RBFOX1: variants seen among roughly 807,000 people sequenced by gnomAD.
RBFOX1 encodes RNA binding protein fox-1 homolog 1.
A neutral mutation model predicts 57.7 loss-of-function variants in RBFOX1; 8 were observed. The ratio of observed to expected loss-of-function variants is 0.14; its 90% confidence interval spans 0.08 to 0.25. The LOEUF (loss-of-function observed/expected upper bound fraction) is 0.25. RBFOX1 is among the 10% of genes least tolerant of loss of function. The pLI is 1.00. For synonymous variants in RBFOX1, 326 were observed against 222.4 expected (o/e 1.47, Z -4.15); for missense variants, 611 against 548.5 (o/e 1.11, Z -1.14).
chr16:7,189,617 C>G (rs2084880317), intron 4 of RBFOX1, among the ~76,000 whole-genome samples: 1 of 150,114 alleles, frequency 6.7e-6, no homozygotes, highest in South Asian at 2.1e-4. Flanking sequence ...ACATAAGCCA[C>G]TCTATGCAGC....
At chr16:5,635,367 C>G (rs1225521854) in intron 3 of RBFOX1, among the ~76,000 whole-genome samples, 1 of 152,160 alleles carries the variant, frequency 6.6e-6, no homozygotes, top group Admixed American at 6.5e-5. Flanking sequence ...GAATGTGGTT[C>G]TCTAGGCAGC....
At chr16:7,301,740 C>A (rs1288009253) in intron 4 of RBFOX1, among the ~76,000 whole-genome samples, 1 of 151,258 alleles carries the variant, frequency 6.6e-6, no homozygotes, top group South Asian at 2.1e-4. Flanking sequence ...CTAATGCCAG[C>A]AAGAGAAAAA....
At chr16:7,106,556 T>C (rs1410210059) in intron 4 of RBFOX1, among the ~76,000 whole-genome samples, 1 of 152,182 alleles carries the variant, frequency 6.6e-6, no homozygotes, top group East Asian at 1.9e-4. Flanking sequence ...ATTTGTGTTT[T>C]CTATGTGCTT....
intron 14 of RBFOX1, among the ~76,000 whole-genome samples, chr16:7,697,653 A>T (rs1034706755): frequency 6.6e-6 from 1 of 152,176 alleles, no homozygotes; most frequent in African/African-American, 2.4e-5. Flanking sequence ...AGAAACATTT[A>T]GTAGCTTGCC....
At chr16:7,397,746 C>G (rs1339493041) in intron 4 of RBFOX1, among the ~76,000 whole-genome samples, 2 of 152,158 alleles carry the variant, frequency 1.3e-5, no homozygotes, top group African/African-American at 4.8e-5. Context: ...TTAGTTTTGG[C>G]TCTTAGAGTT....
intron 4 of RBFOX1, among the ~76,000 whole-genome samples, chr16:7,075,125 G>A (rs2058065989): frequency 6.6e-6 from 1 of 152,230 alleles, no homozygotes; most frequent in South Asian, 2.1e-4. Flanking sequence ...TCATGGGGCT[G>A]AGGCTGTGCA....
At chr16:5,938,309 A>G (rs900692615) in intron 4 of RBFOX1, among the ~76,000 whole-genome samples, 3 of 152,184 alleles carry the variant, frequency 2.0e-5, no homozygotes, top group Non-Finnish European at 2.9e-5. Flanking sequence ...GTCTGGAGCC[A>G]GTTCTCCTCC....
intron 2 of RBFOX1, among the ~76,000 whole-genome samples, chr16:6,463,499 T>C (rs1025130372): frequency 2.0e-5 from 3 of 152,168 alleles, no homozygotes; most frequent in Non-Finnish European, 4.4e-5. Flanking sequence ...TTTGAACTGA[T>C]GAACTAGTTA....
At chr16:5,805,710 C>A (rs939669018) in intron 3 of RBFOX1, among the ~76,000 whole-genome samples, 2 of 152,168 alleles carry the variant, frequency 1.3e-5, no homozygotes, top group Non-Finnish European at 2.9e-5. Context: ...GGAAGGGTTG[C>A]CTGACATGAA....
At chr16:5,598,949 C>T (rs2047275984) in exon 3 of RBFOX1, 6 of 1,533,372 alleles carry the variant, frequency 3.9e-6, no homozygotes, top group Non-Finnish European at 5.2e-6. Context: ...CCAAGAACAG[C>T]CTGCAAGACT....
At chr16:7,167,233 G>C (rs1332071718) in intron 4 of RBFOX1, among the ~76,000 whole-genome samples, 2 of 151,792 alleles carry the variant, frequency 1.3e-5, no homozygotes, top group African/African-American at 4.8e-5. Flanking sequence ...TGATCTGCCA[G>C]CTTCTGCCTA....
At chr16:7,534,209 C>T (rs2080925601) in intron 5 of RBFOX1, among the ~76,000 whole-genome samples, 1 of 151,582 alleles carries the variant, frequency 6.6e-6, no homozygotes, top group Non-Finnish European at 1.5e-5. Flanking sequence ...GCCTCAGCCT[C>T]CTGAATAGCT....
intron 3 of RBFOX1, among the ~76,000 whole-genome samples, chr16:6,797,716 C>G (rs902710171): frequency 1.3e-5 from 2 of 152,066 alleles, no homozygotes; most frequent in East Asian, 1.9e-4. Flanking sequence ...CATTAAAGTT[C>G]TGGTGTTTCC....
intron 2 of RBFOX1, among the ~76,000 whole-genome samples, chr16:6,558,823 G>A (rs891119138): frequency 5.5e-5 from 6 of 109,272 alleles, no homozygotes; most frequent in African/African-American, 1.8e-4. Context: ...TTGCCTTACC[G>A]CCATGCTGAC....
At chr16:5,760,979 G>A (rs537291479) in intron 3 of RBFOX1, among the ~76,000 whole-genome samples, 24 of 152,288 alleles carry the variant, frequency 1.6e-4, no homozygotes, top group African/African-American at 5.5e-4. Flanking sequence ...ATGGGTAATT[G>A]TATGTTATGT....
At chr16:6,670,297 G>A (rs780878148) in intron 3 of RBFOX1, among the ~76,000 whole-genome samples, 1 of 151,952 alleles carries the variant, frequency 6.6e-6, no homozygotes, top group Admixed American at 6.6e-5. Flanking sequence ...TTCCAAGTCC[G>A]GAGCTCAAGC....
chr16:6,581,736 A>T (rs2097540061), intron 2 of RBFOX1, among the ~76,000 whole-genome samples: 1 of 152,144 alleles, frequency 6.6e-6, no homozygotes, highest in African/African-American at 2.4e-5. Flanking sequence ...GTGTTTATGG[A>T]GGTCACCTGG....
chr16:5,499,734 G>T (rs915692769), intron 2 of RBFOX1, among the ~76,000 whole-genome samples: 1 of 151,900 alleles, frequency 6.6e-6, no homozygotes, highest in African/African-American at 2.4e-5. Flanking sequence ...CACCACGCCT[G>T]GCTAATGTTT....
intron 1 of RBFOX1, among the ~76,000 whole-genome samples, chr16:5,434,598 C>T (rs1005645231): frequency 6.6e-6 from 1 of 152,070 alleles, no homozygotes. Context: ...AGATTACAGG[C>T]AAGAGCCACC....
Sources: gnomAD v4.1 joint callset for allele counts (sites outside exome capture counted in the v4.1 genomes callset) on GRCh38, gnomAD v4.1.1 for gene constraint, MANE v1.5 for transcripts, NCBI Gene and HGNC (gene_info 2026-07-23, HGNC 2026-07-21) for gene names.